RBBP4: variants seen among roughly 807,000 people sequenced by gnomAD.
RBBP4 encodes histone-binding protein RBBP4.
Under a neutral mutation model 57.2 loss-of-function variants are expected in RBBP4, and 3 were observed. That is an observed-to-expected ratio of 0.05 (90% confidence interval 0.02 to 0.14). The LOEUF is 0.14. Ranked by LOEUF, RBBP4 falls within the 10% of genes least tolerant of loss-of-function variation. The probability of loss-of-function intolerance (pLI) is 1.00; values close to 1 mark genes in which losing one functional copy is unlikely to be tolerated. For synonymous variants in RBBP4, 151 were observed against 171.5 expected, an observed-to-expected ratio of 0.88 and a Z score of 0.93; for missense variants, 107 against 520.6, an observed-to-expected ratio of 0.21 and a Z score of 7.73.
At chr1:32,651,666 C>T in intron 1 of RBBP4, 1 of 727,530 alleles carries the variant, frequency 1.4e-6, no homozygotes, top group Non-Finnish European at 2.1e-6. Flanking sequence ...TGAGTTTCGG[C>T]GCGCACGAGC....
chr1:32,678,347 C>T (rs183116518), intron 11 of RBBP4, among the ~76,000 whole-genome samples: 2 of 152,022 alleles, frequency 1.3e-5, no homozygotes, highest in East Asian at 1.9e-4. Flanking sequence ...CTGCCTTAGC[C>T]TCCCAAATAG....
chr1:32,668,464 G>A, intron 4 of RBBP4, 66 bp downstream of exon 4: 1 of 1,399,554 alleles, frequency 7.1e-7, no homozygotes, highest in Non-Finnish European at 9.9e-7. Context: ...CACTCACTGT[G>A]AGTTTAATTG....
At chr1:32,651,645 C>A in intron 1 of RBBP4, 1 of 758,398 alleles carries the variant, frequency 1.3e-6, no homozygotes, top group Non-Finnish European at 2.0e-6. Context: ...CGGGCCTCCT[C>A]GTCGGGCTTG....
rs1391490006 is a variant in RBBP4 at position 32,672,387 on chromosome 1, G to C, written c.967-63G>C. 2.3e-6 allele frequency: 3 copies of C among 1,283,554 alleles called. No homozygotes were observed. In the Admixed American group the frequency reaches 6.6e-5, roughly 28 times the overall value. The allele number at this position is 1,283,554 out of a possible 1,614,324, so 79.5% of individuals were successfully genotyped here. On this transcript the variant is annotated intron_variant, in intron 8 of 11. Coordinates refer to ENST00000373493, the MANE Select transcript of RBBP4 (RefSeq NM_005610.3). ...AAATTTTTAAATTGTTAAATATTTT[G>C]TGAATTTTTTCCCTTTATTTTCTAA...
chr1:32,683,831 C>T lies in RBBP4; in HGVS notation c.*4126C>T. ...TATTTTTAGTGGAGATGGAGTTTTG[C>T]CATGTTGGCCAGGCTGGTCTTGAAC... On this transcript the variant is annotated 3_prime_UTR_variant, in exon 12 of 12. Transcript: ENST00000373493. The T allele has an allele frequency of 1.7e-6, 1 of 590,242 alleles. No homozygotes were observed. Among genetic ancestry groups the T allele is most frequent in the Admixed American group, 2.7e-5 (1 of 37,056 alleles). The allele number at this position is 590,242 out of a possible 1,614,324, so 36.6% of individuals were successfully genotyped here.
At chr1:32,656,244 G>A (rs547597671) in intron 2 of RBBP4, among the ~76,000 whole-genome samples, 2 of 152,190 alleles carry the variant, frequency 1.3e-5, no homozygotes, top group African/African-American at 4.8e-5. Context: ...ACCCAGGCTG[G>A]AGTGCAGTAA....
In RBBP4 at chr1:32,681,777, C is replaced by T. The variant is rs994409360; in HGVS notation, c.*2072C>T. On this transcript the variant is annotated 3_prime_UTR_variant, in exon 12 of 12. Coordinates refer to ENST00000373493, the MANE Select transcript of RBBP4 (RefSeq NM_005610.3). ...CTCTTGTCTGGTTGGAAGAGTACAT[C>T]CAAAGGGTACTTAGTGATCCTTTGC... 6 of 1,613,198 alleles carry T rather than the reference C, an allele frequency of 3.7e-6. No homozygotes were observed. The African/African-American group carries it at 6.7e-5, about 18-fold the overall frequency.
At chr1:32,670,058 A>G (rs1447127061) in intron 8 of RBBP4, among the ~76,000 whole-genome samples, 1 of 151,930 alleles carries the variant, frequency 6.6e-6, no homozygotes, top group African/African-American at 2.4e-5. Context: ...TACATTCTTC[A>G]GATATTAAGA....
chr1:32,651,533 G>A, intron 1 of RBBP4: 1 of 1,288,954 alleles, frequency 7.8e-7, no homozygotes, highest in Non-Finnish European at 1.0e-6. Flanking sequence ...CAGCGGTGGG[G>A]CCCCCGGCCA....
chr1:32,653,666 G>GTT (rs71571718), intron 2 of RBBP4, among the ~76,000 whole-genome samples: 1 of 39,072 alleles, frequency 2.6e-5, no homozygotes, highest in African/African-American at 9.3e-5. Context: ...TTTTGTTTTT[G>GTT]TTTTTTTTTT....
intron 11 of RBBP4, among the ~76,000 whole-genome samples, chr1:32,677,793 A>G (rs1188111551): frequency 6.6e-6 from 1 of 152,194 alleles, no homozygotes; most frequent in Non-Finnish European, 1.5e-5. Flanking sequence ...ACACAATTGT[A>G]TGTATTCTTT....
rs1649453965 is a variant in RBBP4 at position 32,681,785 on chromosome 1, T to A, written c.*2080T>A. On this transcript the variant is annotated 3_prime_UTR_variant, in exon 12 of 12. Transcript: ENST00000373493. Reference sequence around the variant, plus strand: ...TGGTTGGAAGAGTACATCCAAAGGGTACTTAGTGATCCTTTGCTAAGAAGT... The same window carrying A: ...TGGTTGGAAGAGTACATCCAAAGGGAACTTAGTGATCCTTTGCTAAGAAGT... The A allele has an allele frequency of 6.2e-7, 1 of 1,613,996 alleles. No homozygotes were observed. Among genetic ancestry groups the A allele is most frequent in the South Asian group, 1.1e-5 (1 of 91,074 alleles).
chr1:32,669,151 G>A lies in RBBP4; in HGVS notation c.761+19G>A, dbSNP rs774054739. 6.2e-7 allele frequency: 1 copy of A among 1,613,132 alleles called. No homozygotes were observed. Among genetic ancestry groups the A allele is most frequent in the Non-Finnish European group, 8.5e-7 (1 of 1,179,570 alleles). ...TTATGATGTGAGTAGAATCCATTCA[G>A]AGTTTCTAAATATCTTGTCTAAGTT... is the stretch of plus-strand genomic sequence containing the variant. On this transcript the variant is annotated intron_variant, in intron 6 of 11. Coordinates refer to ENST00000373493, the MANE Select transcript of RBBP4 (RefSeq NM_005610.3). This position sits in a 1 kb window ranked among gnomAD's most constrained non-coding sequence, Gnocchi z 4.9.
chr1:32,666,307 G>A (rs1648643448), intron 3 of RBBP4, among the ~76,000 whole-genome samples: 1 of 152,112 alleles, frequency 6.6e-6, no homozygotes, highest in East Asian at 1.9e-4. Context: ...TATAGTAGTA[G>A]CATTGGTTTT....
In RBBP4 at chr1:32,677,028, T is replaced by C. The variant is rs538525947; in HGVS notation, c.1213-2612T>C. On this transcript the variant is annotated intron_variant, in intron 11 of 11. Coordinates refer to ENST00000373493, the MANE Select transcript of RBBP4 (RefSeq NM_005610.3). Reference sequence around the variant, plus strand: ...TTCCAAGTTGTTACTTTATTTGGTGTTTTTAGCATTGTAATAGAGTAAGTA... The same window carrying C: ...TTCCAAGTTGTTACTTTATTTGGTGCTTTTAGCATTGTAATAGAGTAAGTA... Among the ~76,000 whole-genome samples, 12 of 152,306 alleles carry C rather than the reference T, an allele frequency of 7.9e-5. No individual in the cohort carries two copies. In the South Asian group the frequency reaches 2.5e-3, roughly 32 times the overall value.
chr1:32,672,308 A>T, intron 8 of RBBP4, 142 bp from the exon 9 acceptor site: 1 of 691,696 alleles, frequency 1.4e-6, no homozygotes, highest in Non-Finnish European at 2.4e-6. Context: ...TTTAGCTCTT[A>T]ATTTTAACTG....
chr1:32,679,880 T>C lies in RBBP4; in HGVS notation c.*175T>C. On this transcript the variant is annotated 3_prime_UTR_variant, in exon 12 of 12. Coordinates refer to ENST00000373493, the MANE Select transcript of RBBP4 (RefSeq NM_005610.3). ...TTTTCTAAATATTAATAGGGGGGCT[T>C]GATTCAACAAAGCCACAGACTTAAC... 1 of 1,300,338 alleles carries C rather than the reference T, an allele frequency of 7.7e-7. No individual in the cohort carries two copies. The highest frequency in any genetic ancestry group is 9.7e-7 in the Non-Finnish European group (1 of 1,029,150). The allele number at this position is 1,300,338 out of a possible 1,614,324, so 80.6% of individuals were successfully genotyped here. A position where few individuals can be genotyped will look rare whatever the true frequency, so the allele number is the denominator to read the frequency against.
chr1:32,674,809 C>T (rs1649025984), intron 11 of RBBP4, among the ~76,000 whole-genome samples: 1 of 151,638 alleles, frequency 6.6e-6, no homozygotes, highest in Admixed American at 6.6e-5. Flanking sequence ...CTCACTGCAA[C>T]CTCTGCCTCC....
intron 2 of RBBP4, among the ~76,000 whole-genome samples, chr1:32,654,550 GTAATA>G (rs1481170724): frequency 6.6e-6 from 1 of 152,204 alleles, no homozygotes; most frequent in Non-Finnish European, 1.5e-5. Context: ...AACTTCCCAA[GTAATA>G]TAATAGAATG....
Sources: gnomAD v4.1 joint callset for allele counts (sites outside exome capture counted in the v4.1 genomes callset) on GRCh38, gnomAD v4.1.1 for gene constraint, Gnocchi (gnomAD v3.1) non-coding constraint, MANE v1.5 for transcripts, NCBI Gene and HGNC (gene_info 2026-07-23, HGNC 2026-07-21) for gene names.